LRRC4C: variants seen among roughly 807,000 people sequenced by gnomAD.
The protein encoded by LRRC4C is leucine-rich repeat-containing protein 4C.
A neutral mutation model predicts 33.6 loss-of-function variants in LRRC4C; 5 were observed. The ratio of observed to expected loss-of-function variants is 0.15; its 90% CI spans 0.08 to 0.31. The LOEUF is 0.31. Among genes scored for constraint, LRRC4C ranks in the 10% least tolerant of loss-of-function variants. The pLI is 1.00. For missense variants in LRRC4C, 560 were observed against 796.7 expected (o/e 0.70, Z 3.58); for synonymous variants, 329 against 302.0 (o/e 1.09, Z -0.93).
intron 2 of LRRC4C, among the ~76,000 whole-genome samples, chr11:40,780,722 T>C (rs1158425130): frequency 6.6e-6 from 1 of 151,894 alleles, no homozygotes; most frequent in Non-Finnish European, 1.5e-5. Flanking sequence ...GTTCTTATAA[T>C]GTATAATAGA....
intron 2 of LRRC4C, among the ~76,000 whole-genome samples, chr11:40,654,360 G>A (rs968788103): frequency 1.3e-5 from 2 of 152,202 alleles, no homozygotes; most frequent in Non-Finnish European, 2.9e-5. Flanking sequence ...AAAGCCACAG[G>A]TGCAGAGCTG....
intron 1 of LRRC4C, among the ~76,000 whole-genome samples, chr11:41,018,405 G>A (rs1855738493): frequency 6.6e-6 from 1 of 152,082 alleles, no homozygotes; most frequent in Non-Finnish European, 1.5e-5. Flanking sequence ...AACCACCAGG[G>A]ATGGGGATGG....
In LRRC4C at chr11:40,783,636, C is replaced by T. The variant is rs376231406; in HGVS notation, c.-406-135358G>A. ...CTACTTTATTTTTAAAATATAAATG[C>T]CTTTTGAAATTATATTCTTTCTCCA... is the stretch of plus-strand genomic sequence containing the variant. On this transcript the variant is annotated intron_variant, in intron 2 of 6. Coordinates refer to ENST00000528697, the MANE Select transcript of LRRC4C (RefSeq NM_001258419.2). Among the ~76,000 whole-genome samples the T allele has an allele frequency of 3.9e-5, 6 of 152,042 alleles. No individual in the cohort carries two copies. The South Asian group carries it at 6.2e-4, about 16-fold the overall frequency.
chr11:40,274,959 T>C (rs756163150), intron 4 of LRRC4C, among the ~76,000 whole-genome samples: 1 of 152,176 alleles, frequency 6.6e-6, no homozygotes, highest in Non-Finnish European at 1.5e-5. Context: ...TTATAGCTTA[T>C]GGCAGTGTCC....
chr11:40,916,296 C>A (rs536323352), intron 2 of LRRC4C, among the ~76,000 whole-genome samples: 3 of 152,076 alleles, frequency 2.0e-5, no homozygotes, highest in African/African-American at 7.2e-5. Flanking sequence ...TGGAACCAAC[C>A]CAAATATCCA....
intron 1 of LRRC4C, among the ~76,000 whole-genome samples, chr11:41,276,965 G>T (rs1177399399): frequency 6.6e-6 from 1 of 152,144 alleles, no homozygotes; most frequent in Non-Finnish European, 1.5e-5. Context: ...TTCTATAAAT[G>T]TAAGATAGTA....
chr11:40,466,663 A>T (rs1056889073), intron 3 of LRRC4C, among the ~76,000 whole-genome samples: 1 of 151,942 alleles, frequency 6.6e-6, no homozygotes, highest in Non-Finnish European at 1.5e-5. Context: ...ATAATTGTGT[A>T]ATATGATTAG....
intron 3 of LRRC4C, chr11:40,351,510 C>T (rs1471778167): frequency 6.6e-6 from 1 of 151,184 alleles, no homozygotes; most frequent in Non-Finnish European, 1.5e-5. Context: ...CTGAAACCTC[C>T]AGCTATTGTT....
intron 4 of LRRC4C, among the ~76,000 whole-genome samples, chr11:40,243,292 A>T (rs1246757309): frequency 6.6e-6 from 1 of 152,186 alleles, no homozygotes; most frequent in Non-Finnish European, 1.5e-5. Context: ...CTTTGAAAGA[A>T]CATCTTGGGC....
chr11:40,667,784 A>G (rs1024303042), intron 2 of LRRC4C, among the ~76,000 whole-genome samples: 1 of 152,190 alleles, frequency 6.6e-6, no homozygotes, highest in East Asian at 1.9e-4. Flanking sequence ...GAAGACTCCA[A>G]ACTTCAGAAG....
intron 1 of LRRC4C, among the ~76,000 whole-genome samples, chr11:41,117,133 G>T (rs1942175561): frequency 1.3e-5 from 2 of 152,124 alleles, no homozygotes; most frequent in African/African-American, 2.4e-5. Context: ...TACTTTAGCT[G>T]AAAACAAGCC....
chr11:40,780,472 CAGTAA>C (rs1341926680), intron 2 of LRRC4C, among the ~76,000 whole-genome samples: 1 of 152,050 alleles, frequency 6.6e-6, no homozygotes, highest in African/African-American at 2.4e-5. Flanking sequence ...AATGTGATTA[CAGTAA>C]AGTAATTTCC....
rs1054864660 is a variant in LRRC4C at position 41,200,514 on chromosome 11, C to CT, written c.-496+258916dup. 4.0e-5 allele frequency among the ~76,000 whole-genome samples: 6 copies of CT among 151,014 alleles called. No homozygotes were observed. The East Asian group carries it at 7.8e-4, about 20-fold the overall frequency. On this transcript the variant is annotated intron_variant, in intron 1 of 6. Coordinates refer to ENST00000528697, the MANE Select transcript of LRRC4C (RefSeq NM_001258419.2). ...GAAAATAGGAAGTTTCTTTGGCATC[C>CT]TTTTTTTTTAAATTTTAATTTTTTC...
chr11:41,117,504 T>C (rs768683426), intron 1 of LRRC4C, among the ~76,000 whole-genome samples: 1 of 152,172 alleles, frequency 6.6e-6, no homozygotes, highest in Non-Finnish European at 1.5e-5. Context: ...TATTTATGTA[T>C]GTATGTAAAA....
intron 3 of LRRC4C, among the ~76,000 whole-genome samples, chr11:40,479,959 G>A (rs1316951994): frequency 6.6e-6 from 1 of 152,126 alleles, no homozygotes; most frequent in African/African-American, 2.4e-5. Context: ...GCTTCTACTG[G>A]ATGTATGAGT....
intron 1 of LRRC4C, among the ~76,000 whole-genome samples, chr11:41,209,873 TA>T (rs1427482762): frequency 6.6e-6 from 1 of 151,986 alleles, no homozygotes; most frequent in Non-Finnish European, 1.5e-5. Context: ...TAATAGGGTT[TA>T]AAAGGGGGTA....
chr11:41,108,061 G>A (rs2135678049), intron 1 of LRRC4C, among the ~76,000 whole-genome samples: 1 of 152,066 alleles, frequency 6.6e-6, no homozygotes, highest in South Asian at 2.1e-4. Context: ...TAATTTCAGG[G>A]CAAATGCTCA....
intron 3 of LRRC4C, among the ~76,000 whole-genome samples, chr11:40,456,074 A>G (rs1259794122): frequency 6.6e-6 from 1 of 152,112 alleles, no homozygotes; most frequent in Admixed American, 6.6e-5. Context: ...CCTCTCATTG[A>G]GAGGCTACTT....
intron 3 of LRRC4C, among the ~76,000 whole-genome samples, chr11:40,477,398 A>AG (rs1953292395): frequency 6.6e-6 from 1 of 152,106 alleles, no homozygotes; most frequent in South Asian, 2.1e-4. Context: ...TAATTAGGAG[A>AG]GGGATGATCT....
Sources: allele counts gnomAD v4.1 joint callset (sites outside exome capture counted in the v4.1 genomes callset), GRCh38; gene constraint gnomAD v4.1.1; transcripts MANE v1.5; gene names NCBI Gene and HGNC (gene_info 2026-07-23, HGNC 2026-07-21).